THSD7B: variants seen among roughly 807,000 people sequenced by gnomAD.
THSD7B encodes the protein thrombospondin type 1 domain containing 7B.
In THSD7B, 138 loss-of-function variants were observed where a neutral mutation model predicts 213.6. That is an observed-to-expected ratio of 0.65 (90% CI 0.56 to 0.74). The LOEUF (loss-of-function observed/expected upper bound fraction) is 0.74. THSD7B is among the 30% of genes least tolerant of loss of function. The pLI, the probability that THSD7B is intolerant of heterozygous loss-of-function variation, is 0.00. For synonymous variants in THSD7B, 742 were observed against 687.0 expected (o/e 1.08, Z -1.25); for missense variants, 1,931 against 1,991.5 (o/e 0.97, Z 0.58).
intron 15 of THSD7B, among the ~76,000 whole-genome samples, chr2:137,518,661 C>T (rs1457927278): frequency 1.3e-5 from 2 of 152,188 alleles, no homozygotes; most frequent in African/African-American, 4.8e-5. Context: ...TCTGTGGACA[C>T]CACTCATCCT....
chr2:137,552,680 A>T (rs1680873418), intron 15 of THSD7B, among the ~76,000 whole-genome samples: 1 of 152,226 alleles, frequency 6.6e-6, no homozygotes, highest in Admixed American at 6.5e-5. Flanking sequence ...CATTGCATGC[A>T]TTACATTGTA....
chr2:137,095,440 T>G (rs931773972), intron 4 of THSD7B, among the ~76,000 whole-genome samples: 2 of 152,182 alleles, frequency 1.3e-5, no homozygotes, highest in Admixed American at 6.5e-5. Context: ...TTAGCTATTA[T>G]TACCTGACAC....
rs576659242 is a variant in THSD7B, at chr2:137,483,020, C to A, written c.3138+31997C>A. ...CATTACTAAGTGATAGAAGTCATGA[C>A]CAAAAGTCGTGAGGGTATGTTCTGT... is the stretch of plus-strand genomic sequence containing the variant. On this transcript the variant is annotated intron_variant, in intron 15 of 27. Coordinates refer to ENST00000409968, the MANE Select transcript of THSD7B (RefSeq NM_001316349.2). Among the ~76,000 whole-genome samples the A allele has an allele frequency of 3.4e-4, 52 of 152,030 alleles. 1 individual carries two copies. The highest frequency in any genetic ancestry group is 1.2e-3 in the African/African-American group (48 of 41,554).
chr2:137,383,114 G>A (rs1055412715), intron 12 of THSD7B, among the ~76,000 whole-genome samples: 1 of 152,194 alleles, frequency 6.6e-6, no homozygotes, highest in Non-Finnish European at 1.5e-5. Context: ...GAAGTGGCTA[G>A]TTGGCCACCA....
At chr2:136,818,111 G>T (rs1251164851) in intron 1 of THSD7B, among the ~76,000 whole-genome samples, 1 of 149,082 alleles carries the variant, frequency 6.7e-6, no homozygotes, top group African/African-American at 2.5e-5. Flanking sequence ...TGTTTATTGC[G>T]GCATTATTCA....
chr2:136,967,231 A>C (rs894223477), intron 2 of THSD7B, among the ~76,000 whole-genome samples: 18 of 152,178 alleles, frequency 1.2e-4, no homozygotes, highest in African/African-American at 4.3e-4. Flanking sequence ...AAAGAAAGGA[A>C]ATACTGAAGG....
At position 137,196,384 on chromosome 2, in the gene THSD7B, T is replaced by C. The variant is rs1407316642; in HGVS notation, c.1723+25446T>C. 6.9e-5 allele frequency among the ~76,000 whole-genome samples: 6 copies of C among 86,408 alleles called. No homozygotes were observed. The East Asian group carries it at 1.4e-3, about 20-fold the overall frequency. 56.7% of individuals were successfully genotyped at this position (86,408 alleles called of 152,430 possible). On this transcript the variant is annotated intron_variant, in intron 7 of 27. Coordinates refer to ENST00000409968, the MANE Select transcript of THSD7B (RefSeq NM_001316349.2). The stretch of plus-strand genomic sequence containing the variant: ...GAGATGGAAAACCTGCTGTTTTTTT[T>C]TTTTTTTTTTTTTTTTTTTGTGGCT...
At chr2:137,494,478 C>G (rs1442553180) in intron 15 of THSD7B, among the ~76,000 whole-genome samples, 2 of 152,052 alleles carry the variant, frequency 1.3e-5, no homozygotes, top group Non-Finnish European at 1.5e-5. Context: ...ATCCTGTACC[C>G]TAGTCAGAAA....
At chr2:137,200,402 T>G (rs185618020) in intron 7 of THSD7B, among the ~76,000 whole-genome samples, 2 of 149,560 alleles carry the variant, frequency 1.3e-5, no homozygotes, top group East Asian at 4.0e-4. Context: ...TAGGCCAACC[T>G]TCCCATTTTT....
chr2:137,154,259 A>G (rs1187775227), intron 5 of THSD7B, among the ~76,000 whole-genome samples: 1 of 152,050 alleles, frequency 6.6e-6, no homozygotes, highest in Non-Finnish European at 1.5e-5. Context: ...GTATCTTGTG[A>G]CGAATTCCTC....
chr2:136,989,139 G>A (rs976291979), intron 2 of THSD7B, among the ~76,000 whole-genome samples: 1 of 152,210 alleles, frequency 6.6e-6, no homozygotes, highest in African/African-American at 2.4e-5. Context: ...AACCTTGTGA[G>A]AATTTGTTAG....
intron 15 of THSD7B, among the ~76,000 whole-genome samples, chr2:137,551,773 T>G (rs1220698142): frequency 6.6e-6 from 1 of 152,082 alleles, no homozygotes; most frequent in African/African-American, 2.4e-5. Context: ...CTCAGAGTAT[T>G]CTGAGGACAT....
rs550830696 is a variant in THSD7B, at chr2:136,803,420, C to G, written c.-36+37733C>G. Among the ~76,000 whole-genome samples the G allele has an allele frequency of 6.4e-4, 97 of 152,168 alleles. 1 individual carries two copies. Among genetic ancestry groups the G allele is most frequent in the Admixed American group, 5.2e-4 (8 of 15,278 alleles). ...AGAGGGAACATGTCAAATTTTAAAGCTAAATATCTGTCTGCACTAAAATTA... is the reference window on the plus strand; with the variant it reads ...AGAGGGAACATGTCAAATTTTAAAGGTAAATATCTGTCTGCACTAAAATTA... On this transcript the variant is annotated intron_variant, in intron 1 of 27. Coordinates refer to ENST00000409968, the MANE Select transcript of THSD7B (RefSeq NM_001316349.2).
At chr2:137,667,117 A>G (rs1034166826) in intron 26 of THSD7B, among the ~76,000 whole-genome samples, 1 of 151,332 alleles carries the variant, frequency 6.6e-6, no homozygotes, top group South Asian at 2.1e-4. Context: ...ATGTTTTGCC[A>G]TATTTTTGTA....
Position 137,266,159 on chromosome 2 carries a change from G to A in THSD7B, c.2267-6374G>A, listed in dbSNP as rs188020431. On this transcript the variant is annotated intron_variant, in intron 10 of 27. Transcript: ENST00000409968. Reference sequence around the variant, plus strand: ...TCTTTCTTTTCTTTCTTGAACTGACGTGCTAGAGAAAATTCCTTGCATCTG... The same window carrying A: ...TCTTTCTTTTCTTTCTTGAACTGACATGCTAGAGAAAATTCCTTGCATCTG... Among the ~76,000 whole-genome samples, 85 of 152,126 alleles carry A rather than the reference G, an allele frequency of 5.6e-4. 1 individual carries two copies. The highest frequency in any genetic ancestry group is 1.6e-3 in the African/African-American group (66 of 41,502).
intron 14 of THSD7B, among the ~76,000 whole-genome samples, chr2:137,432,345 C>A (rs1387911331): frequency 3.9e-5 from 6 of 152,190 alleles, no homozygotes; most frequent in Middle Eastern, 3.2e-3. Flanking sequence ...CAGCCGAGAT[C>A]GCGCCACTGC....
At chr2:137,021,021 T>C (rs1686437488) in intron 2 of THSD7B, among the ~76,000 whole-genome samples, 1 of 152,222 alleles carries the variant, frequency 6.6e-6, no homozygotes, top group African/African-American at 2.4e-5. Flanking sequence ...TTGTCACAAC[T>C]GGTTAGTTCT....
intron 3 of THSD7B, among the ~76,000 whole-genome samples, chr2:137,072,108 A>G (rs1201882684): frequency 6.6e-6 from 1 of 152,114 alleles, no homozygotes; most frequent in African/African-American, 2.4e-5. Flanking sequence ...TTGGTTCCAT[A>G]TGAACTTTAA....
intron 2 of THSD7B, among the ~76,000 whole-genome samples, chr2:136,956,679 T>C (rs963032513): frequency 2.0e-5 from 3 of 147,628 alleles, no homozygotes; most frequent in African/African-American, 7.7e-5. Context: ...TAATTTTTTT[T>C]CTTTTCTTTT....
Sources: gnomAD v4.1 joint callset for allele counts (sites outside exome capture counted in the v4.1 genomes callset) on GRCh38, gnomAD v4.1.1 for gene constraint, MANE v1.5 for transcripts, NCBI Gene and HGNC (gene_info 2026-07-23, HGNC 2026-07-21) for gene names.